Variants in SPNS2 observed in about 807,000 individuals in gnomAD.
The protein encoded by SPNS2 is SPNS lysolipid transporter 2, sphingosine-1-phosphate, also known as sphingosine-1-phosphate transporter SPNS2.
Under a neutral mutation model 57.6 loss-of-function variants are expected in SPNS2, and 37 were observed. The ratio of observed to expected loss-of-function variants is 0.64; its 90% CI spans 0.49 to 0.85. The LOEUF (loss-of-function observed/expected upper bound fraction) is 0.85. SPNS2 is among the 40% of genes least tolerant of loss of function. The pLI, the probability that SPNS2 is intolerant of heterozygous loss-of-function variation, is 0.00. For synonymous variants in SPNS2, 440 were observed against 346.9 expected, an observed-to-expected ratio of 1.27 and a Z score of -2.98; for missense variants, 831 against 779.1, an observed-to-expected ratio of 1.07 and a Z score of -0.79.
At chr17:4,516,316 C>CAAAAAAAAAAAAAAA (rs67710825) in intron 2 of SPNS2, among the ~76,000 whole-genome samples, 14 of 67,500 alleles carry the variant, frequency 2.1e-4, no homozygotes, top group African/African-American at 1.0e-3. Flanking sequence ...TCTATCTCCC[C>CAAAAAAAAAAAAAAA]AAAAAAAAAA....
intron 9 of SPNS2, among the ~76,000 whole-genome samples, chr17:4,534,918 C>G (rs561907124): frequency 1.3e-5 from 2 of 152,182 alleles, no homozygotes; most frequent in Admixed American, 1.3e-4. Flanking sequence ...GGTCAGGGTC[C>G]CGGGGAAATC....
intron 11 of SPNS2, chr17:4,536,677 GC>G (rs1370590167): frequency 4.6e-6 from 3 of 647,156 alleles, no homozygotes; most frequent in Non-Finnish European, 8.0e-6. Context: ...CAAAGCTGGG[GC>G]CCCTCCCCTT....
intron 1 of SPNS2, among the ~76,000 whole-genome samples, chr17:4,501,193 A>T (rs1271511285): frequency 6.6e-6 from 1 of 151,972 alleles, no homozygotes; most frequent in Non-Finnish European, 1.5e-5. Flanking sequence ...AGGTCTTCCC[A>T]CCCTTTCTCA....
chr17:4,532,562 G>A lies in SPNS2; in HGVS notation c.813G>A (p.Met271Ile), dbSNP rs1350436719. 3 of 1,614,042 alleles carry A rather than the reference G, an allele frequency of 1.9e-6. No homozygotes were observed. In the African/African-American group the frequency reaches 4.0e-5, roughly 22 times the overall value. Residue 271 changes from methionine to isoleucine, a missense_variant, in exon 6 of 13, where the codon ATG becomes ATA. Physicochemically the swap from Met to Ile is conservative, Grantham distance 10 (BLOSUM62 1). Transcript: ENST00000329078. Reference protein sequence around the residue: ...WALRVSPVLGMITGTLILILV... With the variant: ...WALRVSPVLGIITGTLILILV... The stretch of plus-strand genomic sequence containing the variant: ...GGCAGGTGTCCCCTGTCCTGGGCAT[G>A]ATCACAGGAACACTCATCCTCATTC...
At chr17:4,523,571 C>T (rs1905193994) in intron 2 of SPNS2, among the ~76,000 whole-genome samples, 1 of 152,098 alleles carries the variant, frequency 6.6e-6, no homozygotes, top group Non-Finnish European at 1.5e-5. Context: ...AGTTGGAGAC[C>T]AGCCTAGCCA....
rs774617201 is a variant in SPNS2, at chr17:4,536,426, A to C, written c.1607A>C (p.Gln536Pro). The change falls in exon 11 of 13, where the codon CAG becomes CCG. Residue 536 changes from glutamine to proline, a missense_variant and splice_region_variant. Physicochemically the swap from Gln to Pro is moderately conservative, Grantham distance 76. Coordinates refer to ENST00000329078, the MANE Select transcript of SPNS2 (RefSeq NM_001124758.3). The part of the protein sequence containing the change: ...FVSDRARAEQ[Q>P]VNQLAMPPAS... ...AGCGACCGCGCCAGGGCTGAGCAGCAGTGAGTGGGGGGGAGGGGAGGCCCT... is the reference window on the plus strand; with the variant it reads ...AGCGACCGCGCCAGGGCTGAGCAGCCGTGAGTGGGGGGGAGGGGAGGCCCT... 5.4e-5 allele frequency: 83 copies of C among 1,536,332 alleles called. No homozygotes were observed. Among genetic ancestry groups the C allele is most frequent in the Non-Finnish European group, 7.2e-5 (82 of 1,138,050 alleles).
chr17:4,519,822 C>G (rs1420692545), intron 2 of SPNS2, among the ~76,000 whole-genome samples: 1 of 152,228 alleles, frequency 6.6e-6, no homozygotes, highest in African/African-American at 2.4e-5. Context: ...GTGTCCCCAT[C>G]GGACACAGTC....
rs746837010 is a variant in SPNS2, at chr17:4,533,418, A to T, written c.1264A>T (p.Ile422Phe). Reference protein sequence around the residue: ...CLIFVAAKSSIVGAYICIFVG... With the variant: ...CLIFVAAKSSFVGAYICIFVG... ...GATCTTCGTGGCTGCCAAGAGCAGC[A>T]TCGTAGGAGCCTATGTGAGTGCAGC... Residue 422 changes from isoleucine to phenylalanine, a missense_variant, in exon 8 of 13, where the codon ATC becomes TTC. Physicochemically the swap from Ile to Phe is conservative, Grantham distance 21. Transcript: ENST00000329078. The T allele has an allele frequency of 1.2e-6, 2 of 1,604,916 alleles. No individual in the cohort carries two copies. Among genetic ancestry groups the T allele is most frequent in the Non-Finnish European group, 1.7e-6 (2 of 1,176,236 alleles).
At chr17:4,516,507 G>A (rs1455775639) in intron 2 of SPNS2, among the ~76,000 whole-genome samples, 2 of 152,136 alleles carry the variant, frequency 1.3e-5, no homozygotes, top group Non-Finnish European at 2.9e-5. Context: ...ATCTATGGGG[G>A]CAGAAAACGT....
Position 4,538,927 on chromosome 17 carries a change from C to A in SPNS2, c.*1479C>A. On this transcript the variant is annotated 3_prime_UTR_variant, in exon 13 of 13. Coordinates refer to ENST00000329078, the MANE Select transcript of SPNS2 (RefSeq NM_001124758.3). Reference sequence around the variant, plus strand: ...TGTTGCCTCCTCTTCCTTCCGGAAGCCAAACTGCTCCTTTATTTTTTAGAG... The same window carrying A: ...TGTTGCCTCCTCTTCCTTCCGGAAGACAAACTGCTCCTTTATTTTTTAGAG... The A allele has an allele frequency of 1.3e-6, 1 of 782,778 alleles. No individual in the cohort carries two copies. The allele number at this position is 782,778 out of a possible 1,614,324, so 48.5% of individuals were successfully genotyped here. A position where few individuals can be genotyped will look rare whatever the true frequency, so the allele number is the denominator to read the frequency against.
At chr17:4,535,420 G>T (rs1233622544) in intron 9 of SPNS2, among the ~76,000 whole-genome samples, 1 of 152,196 alleles carries the variant, frequency 6.6e-6, no homozygotes, top group Non-Finnish European at 1.5e-5. Context: ...TTGATGGGAG[G>T]TGAGGACAAA....
At chr17:4,528,175 A>C (rs1354095419) in intron 3 of SPNS2, among the ~76,000 whole-genome samples, 1 of 151,922 alleles carries the variant, frequency 6.6e-6, no homozygotes, top group African/African-American at 2.4e-5. Flanking sequence ...GGCACGCGCC[A>C]CCACACCCAG....
rs913569471 is a variant in SPNS2 at position 4,499,254 on chromosome 17, C to T, written c.207C>T (p.Thr69=). 4 of 1,472,160 alleles carry T rather than the reference C, an allele frequency of 2.7e-6. No homozygotes were observed. Among genetic ancestry groups the T allele is most frequent in the African/African-American group, 2.9e-5 (2 of 67,828 alleles). 91.2% of individuals were successfully genotyped at this position (1,472,160 alleles called of 1,614,324 possible). A position where few individuals can be genotyped will look rare whatever the true frequency, so the allele number is the denominator to read the frequency against. The change falls in exon 1 of 13, where the codon ACC becomes ACT. Residue 69 remains threonine (T), a synonymous_variant. Transcript: ENST00000329078. The surrounding 1 kb of genome is among the most constrained non-coding windows in gnomAD (Gnocchi z 5.2). The stretch of plus-strand genomic sequence containing the variant: ...CGGGCAGCGTAAGGCGGGCCCCGAC[C>T]GGACCCCCCGGCACCCCCGGCACCC... ...TLSGSVRRAP[T]GPPGTPGTPG... is the part of the protein sequence containing the mutation.
In SPNS2 at chr17:4,536,686, C is replaced by A. The variant is rs191704597; in HGVS notation, c.1608-214C>A. The A allele has an allele frequency of 1.3e-4, 80 of 633,716 alleles. No homozygotes were observed. In the East Asian group the frequency reaches 2.2e-3, roughly 17 times the overall value. The allele number at this position is 633,716 out of a possible 1,614,324, so 39.3% of individuals were successfully genotyped here. On this transcript the variant is annotated intron_variant, in intron 11 of 12. Coordinates refer to ENST00000329078, the MANE Select transcript of SPNS2 (RefSeq NM_001124758.3). Reference sequence around the variant, plus strand: ...GGTTTTCAAAGCTGGGGCCCCTCCCCTTCCTCTTACTTTCTGACTTCTTTC... The same window carrying A: ...GGTTTTCAAAGCTGGGGCCCCTCCCATTCCTCTTACTTTCTGACTTCTTTC...
intron 11 of SPNS2, 169 bp from the exon 12 acceptor site, chr17:4,536,731 C>T (rs1905835882): frequency 4.5e-6 from 3 of 660,424 alleles, no homozygotes; most frequent in East Asian, 2.7e-5. Flanking sequence ...CTTTACTCCT[C>T]TCTCTCTCCT....
chr17:4,520,459 G>A (rs1192668174), intron 2 of SPNS2, among the ~76,000 whole-genome samples: 1 of 152,092 alleles, frequency 6.6e-6, no homozygotes, highest in Non-Finnish European at 1.5e-5. Context: ...CCGGGAGGGG[G>A]CTTTTTCAAG....
intron 2 of SPNS2, among the ~76,000 whole-genome samples, chr17:4,521,302 A>G (rs779803758): frequency 1.2e-4 from 18 of 152,234 alleles, no homozygotes; most frequent in Non-Finnish European, 2.2e-4. Context: ...TCCTGATGCA[A>G]CTGGAAATCT....
At position 4,538,904 on chromosome 17, in the gene SPNS2, T is replaced by G. The variant is rs1251273806; in HGVS notation, c.*1456T>G. On this transcript the variant is annotated 3_prime_UTR_variant, in exon 13 of 13. Transcript: ENST00000329078. Reference sequence around the variant, plus strand: ...GTTGTACAAGAACCAGGTCCGAGTGTTGCCTCCTCTTCCTTCCGGAAGCCA... The same window carrying G: ...GTTGTACAAGAACCAGGTCCGAGTGGTGCCTCCTCTTCCTTCCGGAAGCCA... The G allele has an allele frequency of 2.6e-6, 2 of 781,518 alleles. No individual in the cohort carries two copies. The highest frequency in any genetic ancestry group is 2.3e-4 in the Middle Eastern group (1 of 4,442). 48.4% of individuals were successfully genotyped at this position (781,518 alleles called of 1,614,324 possible).
At position 4,534,741 on chromosome 17, in the gene SPNS2, GCA is replaced by G. The variant is rs371529728; in HGVS notation, c.1344+889_1344+890del. The stretch of plus-strand genomic sequence containing the variant: ...TGCGGTGGTGGTGGGGAGGCCTGGC[GCA>G]GTTCAGAGCCTCAGCACGGAGCCAG... On this transcript the variant is annotated intron_variant, in intron 9 of 12. Transcript: ENST00000329078. 1.4e-3 allele frequency among the ~76,000 whole-genome samples: 218 copies of G among 152,050 alleles called. 1 individual carries two copies. Among genetic ancestry groups the G allele is most frequent in the African/African-American group, 5.0e-3 (207 of 41,484 alleles).
Sources: allele counts gnomAD v4.1 joint callset (sites outside exome capture counted in the v4.1 genomes callset), GRCh38; gene constraint gnomAD v4.1.1; non-coding constraint Gnocchi (gnomAD v3.1); transcripts MANE v1.5; gene names NCBI Gene and HGNC (gene_info 2026-07-23, HGNC 2026-07-21).